R3HDM1: variants seen among roughly 807,000 people sequenced by gnomAD.
The protein encoded by R3HDM1 is R3H domain-containing protein 1.
Under a neutral mutation model 141.1 loss-of-function variants are expected in R3HDM1, and 46 were observed. That is an observed-to-expected ratio of 0.33 (90% CI 0.26 to 0.42). R3HDM1 has a LOEUF of 0.42. Ranked by LOEUF, R3HDM1 falls within the 10% of genes least tolerant of loss-of-function variation. The pLI, the probability that R3HDM1 is intolerant of heterozygous loss-of-function variation, is 1.00. For synonymous variants in R3HDM1, 435 were observed against 472.9 expected, an observed-to-expected ratio of 0.92 and a Z score of 1.04; for missense variants, 1,184 against 1,368.3, an observed-to-expected ratio of 0.87 and a Z score of 2.12.
At chr2:135,546,972 A>G (rs568883685) in intron 1 of R3HDM1, among the ~76,000 whole-genome samples, 4 of 152,310 alleles carry the variant, frequency 2.6e-5, no homozygotes, top group African/African-American at 7.2e-5. Flanking sequence ...GCGCCCAGCC[A>G]AGAAATGTTT....
At chr2:135,617,571 C>A (rs950426108) in intron 5 of R3HDM1, among the ~76,000 whole-genome samples, 2 of 151,938 alleles carry the variant, frequency 1.3e-5, no homozygotes, top group African/African-American at 4.8e-5. Context: ...CATATCTATT[C>A]TTGTAAAATT....
intron 1 of R3HDM1, among the ~76,000 whole-genome samples, chr2:135,589,365 C>A (rs1327575770): frequency 6.6e-6 from 1 of 152,142 alleles, no homozygotes; most frequent in Non-Finnish European, 1.5e-5. Context: ...TTTCTGCATT[C>A]TTTTGATGTC....
chr2:135,636,571 C>A (rs2063273371), intron 11 of R3HDM1, among the ~76,000 whole-genome samples: 1 of 152,066 alleles, frequency 6.6e-6, no homozygotes, highest in African/African-American at 2.4e-5. Context: ...CTTTCTTTGA[C>A]AAATAATTTA....
chr2:135,686,980 C>G lies in R3HDM1; in HGVS notation c.2459+6656C>G, dbSNP rs527633517. ...TTGGGAGGCCAAGGCAGGTGGATCA[C>G]CTGAGGTCAGGAGTGTACACCAGCC... On this transcript the variant is annotated intron_variant, in intron 21 of 26. Transcript: ENST00000683871. Among the ~76,000 whole-genome samples the G allele has an allele frequency of 3.9e-4, 60 of 152,282 alleles. No individual in the cohort carries two copies. The South Asian group carries it at 0.012, about 31-fold the overall frequency.
intron 1 of R3HDM1, among the ~76,000 whole-genome samples, chr2:135,550,838 CA>C (rs889837292): frequency 6.6e-6 from 1 of 152,070 alleles, no homozygotes; most frequent in African/African-American, 2.4e-5. Flanking sequence ...CCTTTATCCC[CA>C]AAATTTAATG....
intron 6 of R3HDM1, chr2:135,622,327 C>T (rs1258641667): frequency 6.1e-6 from 6 of 984,584 alleles, no homozygotes; most frequent in South Asian, 9.4e-5. Flanking sequence ...TTTTCACCCA[C>T]GGAGGCATTT....
intron 19 of R3HDM1, among the ~76,000 whole-genome samples, chr2:135,675,077 T>A (rs924782381): frequency 4.6e-5 from 7 of 152,178 alleles, no homozygotes; most frequent in Admixed American, 4.6e-4. Context: ...TCCTATGTTA[T>A]CTAAGTGTGT....
At chr2:135,679,488 T>G (rs1289456437) in intron 20 of R3HDM1, among the ~76,000 whole-genome samples, 1 of 152,188 alleles carries the variant, frequency 6.6e-6, no homozygotes, top group Non-Finnish European at 1.5e-5. Flanking sequence ...TATTTTAAGC[T>G]CCAAAGCTCT....
At position 135,705,156 on chromosome 2, in the gene R3HDM1, A is replaced by C. The variant is rs144281966; in HGVS notation, c.2460-4277A>C. On this transcript the variant is annotated intron_variant, in intron 21 of 26. Transcript: ENST00000683871. ...TAATTTGGCTCTGTGATTATTAATG[A>C]AGTTGTACATTTTTATGTTTGGCTG... Among the ~76,000 whole-genome samples the C allele has an allele frequency of 8.1e-3, 1,229 of 152,344 alleles. 33 individuals carry two copies. The South Asian group carries it at 0.11, about 14-fold the overall frequency.
At chr2:135,707,895 C>CT (rs2075142059) in intron 21 of R3HDM1, among the ~76,000 whole-genome samples, 1 of 152,072 alleles carries the variant, frequency 6.6e-6, no homozygotes. Context: ...CTCTTTTTCC[C>CT]TTTTATTGAA....
At chr2:135,654,514 T>G (rs2065549447) in intron 18 of R3HDM1, among the ~76,000 whole-genome samples, 1 of 152,006 alleles carries the variant, frequency 6.6e-6, no homozygotes, top group Non-Finnish European at 1.5e-5. Flanking sequence ...AGTGGTGCAA[T>G]CTCAGCTCAC....
At chr2:135,593,177 C>G (rs543175965) in intron 1 of R3HDM1, among the ~76,000 whole-genome samples, 2 of 152,224 alleles carry the variant, frequency 1.3e-5, no homozygotes, top group African/African-American at 2.4e-5. Context: ...ACCTCAGCCT[C>G]CCAAAGTGCT....
chr2:135,589,697 A>G (rs1448690598), intron 1 of R3HDM1, among the ~76,000 whole-genome samples: 4 of 152,104 alleles, frequency 2.6e-5, no homozygotes, highest in African/African-American at 4.8e-5. Flanking sequence ...TATAATAAAT[A>G]TATGTTTCCA....
At chr2:135,600,815 C>T (rs1292633251) in intron 1 of R3HDM1, among the ~76,000 whole-genome samples, 1 of 152,124 alleles carries the variant, frequency 6.6e-6, no homozygotes, top group East Asian at 1.9e-4. Context: ...GACTTCTAGG[C>T]AATAATAACT....
At chr2:135,648,308 G>A (rs2289963) in intron 16 of R3HDM1, among the ~76,000 whole-genome samples, 18,490 of 151,928 alleles carry the variant, frequency 0.12, 1,357 homozygotes, top group South Asian at 0.32. Flanking sequence ...TTTAGAAACC[G>A]TTGTGTTGAT....
chr2:135,670,930 G>A (rs569751847), intron 19 of R3HDM1, among the ~76,000 whole-genome samples: 63 of 151,748 alleles, frequency 4.2e-4, no homozygotes, highest in African/African-American at 1.4e-3. Flanking sequence ...GAGGTGGCGC[G>A]CACCTGCAAT....
intron 20 of R3HDM1, 22 bp downstream of exon 20, chr2:135,675,508 C>T: frequency 6.3e-7 from 1 of 1,589,052 alleles, no homozygotes; most frequent in Non-Finnish European, 8.6e-7. Flanking sequence ...CTTTTATGTA[C>T]TTTGGGTAGA....
intron 1 of R3HDM1, among the ~76,000 whole-genome samples, chr2:135,582,254 C>T (rs1307720134): frequency 6.6e-6 from 1 of 152,148 alleles, no homozygotes; most frequent in Non-Finnish European, 1.5e-5. Flanking sequence ...TCACTTGAAC[C>T]CGGGAGGCGG....
chr2:135,665,960 A>C (rs1325801028), intron 19 of R3HDM1, among the ~76,000 whole-genome samples: 1 of 152,236 alleles, frequency 6.6e-6, no homozygotes, highest in African/African-American at 2.4e-5. Context: ...GTGGAAAGCA[A>C]AATGATTCTG....
Sources: allele counts gnomAD v4.1 joint callset (sites outside exome capture counted in the v4.1 genomes callset), GRCh38; gene constraint gnomAD v4.1.1; transcripts MANE v1.5; gene names NCBI Gene and HGNC (gene_info 2026-07-23, HGNC 2026-07-21).